Variants in SH3D19 observed in about 807,000 individuals in gnomAD.
SH3D19 encodes the protein SH3 domain containing 19.
In SH3D19, 58 loss-of-function variants were observed where a neutral mutation model predicts 112.1. That is an observed-to-expected ratio of 0.52 (90% CI 0.42 to 0.64). The LOEUF is 0.64. Among genes scored for constraint, SH3D19 ranks in the 30% least tolerant of loss-of-function variants. The probability of loss-of-function intolerance (pLI) is 0.00; values close to 1 mark genes in which losing one functional copy is unlikely to be tolerated. For synonymous variants in SH3D19, 391 were observed against 448.5 expected (o/e 0.87, Z 1.62); for missense variants, 1,090 against 1,263.4 (o/e 0.86, Z 2.08).
At chr4:151,275,110 G>T (rs530601731) in intron 1 of SH3D19, among the ~76,000 whole-genome samples, 2 of 149,168 alleles carry the variant, frequency 1.3e-5, no homozygotes, top group African/African-American at 4.9e-5. Context: ...TTTTTGAGAC[G>T]GAATCTTGCT....
chr4:151,310,408 T>C (rs1729334391), intron 1 of SH3D19, among the ~76,000 whole-genome samples: 1 of 151,982 alleles, frequency 6.6e-6, no homozygotes, highest in African/African-American at 2.4e-5. Context: ...AAGATATGTG[T>C]TGGCAAGGAT....
At chr4:151,275,908 T>C in intron 1 of SH3D19, among the ~76,000 whole-genome samples, 1 of 147,724 alleles carries the variant, frequency 6.8e-6, no homozygotes. Flanking sequence ...AGTGGCGCCA[T>C]CTTGGCTCAC....
chr4:151,282,128 C>T (rs1405309773), intron 1 of SH3D19: 1 of 1,611,594 alleles, frequency 6.2e-7, no homozygotes, highest in East Asian at 2.2e-5. Context: ...ATAAGCAGGC[C>T]TCCTTTCTTT....
chr4:151,258,269 G>A (rs1158109547), intron 1 of SH3D19, among the ~76,000 whole-genome samples: 1 of 152,202 alleles, frequency 6.6e-6, no homozygotes, highest in East Asian at 1.9e-4. Flanking sequence ...CAAAGGGAAA[G>A]AGAGAAAACA....
intron 11 of SH3D19, among the ~76,000 whole-genome samples, chr4:151,147,692 C>A (rs1052934706): frequency 6.6e-6 from 1 of 152,154 alleles, no homozygotes; most frequent in African/African-American, 2.4e-5. Flanking sequence ...AAACTTTTGG[C>A]CTCAAGCTGA....
intron 2 of SH3D19, among the ~76,000 whole-genome samples, chr4:151,208,519 C>A (rs112421745): frequency 6.6e-6 from 1 of 151,986 alleles, no homozygotes; most frequent in Non-Finnish European, 1.5e-5. Flanking sequence ...TACAGGCATG[C>A]GGCACGAAAC....
chr4:151,313,619 T>G (rs745642193), intron 1 of SH3D19, among the ~76,000 whole-genome samples: 1 of 152,154 alleles, frequency 6.6e-6, no homozygotes, highest in Non-Finnish European at 1.5e-5. Flanking sequence ...GGTCTTGCTT[T>G]GTTGCCCAGG....
At position 151,174,987 on chromosome 4, in the gene SH3D19, G is replaced by A. The variant is rs147751840; in HGVS notation, c.1217C>T (p.Ala406Val). Reference protein sequence around the residue: ...NPEIPGRGPLAESSDSGKKVP... With the variant: ...NPEIPGRGPLVESSDSGKKVP... ...TTTCTTCCCACTATCAGAGCTCTCA[G>A]CCAGGGGCCCTCTTCCCGGAATCTC... Residue 406 changes from alanine (A) to valine (V), a missense_variant, in exon 7 of 20, where the codon GCT (alanine) becomes GTT (valine). Coordinates refer to ENST00000604030, the MANE Select transcript of SH3D19 (RefSeq NM_001378122.1). 13 of 1,614,100 alleles carry A rather than the reference G, an allele frequency of 8.1e-6. No homozygotes were observed. In the African/African-American group the frequency reaches 1.5e-4, roughly 18 times the overall value.
At chr4:151,296,630 A>G (rs1335379461) in intron 1 of SH3D19, among the ~76,000 whole-genome samples, 4 of 152,240 alleles carry the variant, frequency 2.6e-5, no homozygotes, top group Non-Finnish European at 5.9e-5. Context: ...GGCTCAATAC[A>G]GCATTTCTGC....
At chr4:151,226,589 G>A (rs1377592006) in intron 1 of SH3D19, 2 of 545,552 alleles carry the variant, frequency 3.7e-6, no homozygotes, top group Non-Finnish European at 4.7e-6. Flanking sequence ...CATTTCAGAA[G>A]TTGGATTTCA....
At chr4:151,324,998 G>A (rs954427070) in intron 1 of SH3D19, among the ~76,000 whole-genome samples, 16 of 152,166 alleles carry the variant, frequency 1.1e-4, no homozygotes, top group Non-Finnish European at 2.1e-4. Flanking sequence ...AGTGTGCACG[G>A]AAAATTTGAG....
intron 6 of SH3D19, 153 bp downstream of exon 6, chr4:151,176,381 C>T (rs1759966272): frequency 3.9e-6 from 2 of 508,064 alleles, no homozygotes; most frequent in Non-Finnish European, 6.1e-6. Context: ...TCACTGCACA[C>T]CCAAATAAAG....
intron 14 of SH3D19, among the ~76,000 whole-genome samples, 185 bp from the exon 15 acceptor site, chr4:151,135,317 T>C (rs1467802677): frequency 1.3e-5 from 2 of 152,084 alleles, no homozygotes; most frequent in Admixed American, 1.3e-4. Flanking sequence ...AAAAAAAAAG[T>C]GTAACTTGTG....
At chr4:151,133,302 T>G (rs542813392) in intron 15 of SH3D19, 66 bp from the exon 16 acceptor site, 41 of 1,274,552 alleles carry the variant, frequency 3.2e-5, no homozygotes, top group Non-Finnish European at 4.4e-5. Context: ...AAAACCTTCA[T>G]TCAGTCTTTC....
At chr4:151,293,192 C>T (rs1210855924) in intron 1 of SH3D19, among the ~76,000 whole-genome samples, 1 of 150,880 alleles carries the variant, frequency 6.6e-6, no homozygotes, top group Non-Finnish European at 1.5e-5. Flanking sequence ...GTAGACTGGC[C>T]GGGTGTGGTG....
At chr4:151,297,542 T>C (rs1048603259) in intron 1 of SH3D19, among the ~76,000 whole-genome samples, 1 of 152,214 alleles carries the variant, frequency 6.6e-6, no homozygotes, top group Non-Finnish European at 1.5e-5. Context: ...AGAAGCAAGA[T>C]AACATATTGT....
intron 13 of SH3D19, among the ~76,000 whole-genome samples, chr4:151,138,684 TCTCACACACACACA>T (rs1370040110): frequency 0.022 from 3,021 of 135,866 alleles, 53 homozygotes; most frequent in East Asian, 0.034. Context: ...CAAGATCTTG[TCTCACACACACACA>T]CACACACACA....
intron 3 of SH3D19, among the ~76,000 whole-genome samples, chr4:151,187,051 C>A (rs1040863773): frequency 3.3e-5 from 5 of 150,288 alleles, no homozygotes; most frequent in African/African-American, 1.2e-4. Context: ...GCCTTGGCCT[C>A]CCAAAGTGCT....
At chr4:151,220,665 T>A (rs529960446) in intron 2 of SH3D19, among the ~76,000 whole-genome samples, 3 of 152,224 alleles carry the variant, frequency 2.0e-5, no homozygotes, top group Non-Finnish European at 4.4e-5. Context: ...TTTTCCTAGA[T>A]GTTATTAATA....
Sources: gnomAD v4.1 joint callset for allele counts (sites outside exome capture counted in the v4.1 genomes callset) on GRCh38, gnomAD v4.1.1 for gene constraint, MANE v1.5 for transcripts, NCBI Gene and HGNC (gene_info 2026-07-23, HGNC 2026-07-21) for gene names.